CCSER1: variants seen among roughly 807,000 people sequenced by gnomAD.
The protein encoded by CCSER1 is serine-rich coiled-coil domain-containing protein 1.
A neutral mutation model predicts 82.0 loss-of-function variants in CCSER1; 41 were observed. The observed-to-expected ratio is 0.50, with a 90% CI of 0.39 to 0.65. The LOEUF (loss-of-function observed/expected upper bound fraction) is 0.65, where lower values mean the gene tolerates loss of function less well. CCSER1 is among the 30% of genes least tolerant of loss of function. The pLI, the probability that CCSER1 is intolerant of heterozygous loss-of-function variation, is 0.00. For missense variants in CCSER1, 1,119 were observed against 1,064.2 expected (o/e 1.05, Z -0.72); for synonymous variants, 414 against 383.9 (o/e 1.08, Z -0.92).
At chr4:90,872,692 A>G (rs907477427) in intron 8 of CCSER1, among the ~76,000 whole-genome samples, 1 of 151,890 alleles carries the variant, frequency 6.6e-6, no homozygotes, top group Non-Finnish European at 1.5e-5. Context: ...TTGTCTGTCA[A>G]CTTACTATTA....
chr4:90,740,723 T>C (rs531201893), intron 7 of CCSER1, among the ~76,000 whole-genome samples: 1 of 152,182 alleles, frequency 6.6e-6, no homozygotes, highest in African/African-American at 2.4e-5. Flanking sequence ...TAAATTTCAA[T>C]TAGTTTTTCA....
At chr4:90,994,802 A>G (rs1373625827) in intron 9 of CCSER1, among the ~76,000 whole-genome samples, 1 of 152,078 alleles carries the variant, frequency 6.6e-6, no homozygotes, top group Non-Finnish European at 1.5e-5. Flanking sequence ...GGAAAAGCCT[A>G]TTTCTTTGCT....
chr4:90,302,071 A>AG (rs1733246417), intron 1 of CCSER1, among the ~76,000 whole-genome samples: 1 of 152,204 alleles, frequency 6.6e-6, no homozygotes, highest in Non-Finnish European at 1.5e-5. Context: ...CAGGATTATA[A>AG]GATTTATTCA....
intron 5 of CCSER1, among the ~76,000 whole-genome samples, chr4:90,482,933 C>A (rs1214356240): frequency 6.6e-6 from 1 of 152,090 alleles, no homozygotes; most frequent in Non-Finnish European, 1.5e-5. Context: ...TCCTTGTTAA[C>A]TTTCTGTTTC....
chr4:90,149,858 C>A (rs535679660), intron 1 of CCSER1, among the ~76,000 whole-genome samples: 4 of 152,164 alleles, frequency 2.6e-5, no homozygotes, highest in South Asian at 2.1e-4. Flanking sequence ...GTTAAGTCTG[C>A]ATTGTATGTA....
At chr4:90,625,604 T>A (rs976848281) in intron 5 of CCSER1, among the ~76,000 whole-genome samples, 1 of 152,230 alleles carries the variant, frequency 6.6e-6, no homozygotes, top group Non-Finnish European at 1.5e-5. Context: ...AATATTAGTT[T>A]TTTTTGGTAT....
intron 8 of CCSER1, among the ~76,000 whole-genome samples, chr4:90,837,272 A>T: frequency 6.6e-6 from 1 of 152,166 alleles, no homozygotes; most frequent in African/African-American, 2.4e-5. Context: ...GTTAACAAAA[A>T]ACAAAATATA....
intron 8 of CCSER1, among the ~76,000 whole-genome samples, chr4:90,840,741 A>C: frequency 6.6e-6 from 1 of 152,040 alleles, no homozygotes; most frequent in East Asian, 1.9e-4. Context: ...GAAAGCTGTA[A>C]AGCTCCTTAC....
intron 8 of CCSER1, 73 bp from the exon 9 acceptor site, chr4:90,923,297 A>G (rs926684735): frequency 5.8e-6 from 6 of 1,030,712 alleles, no homozygotes; most frequent in South Asian, 2.7e-5. Context: ...TCAAATTTTA[A>G]TAAGTGGAGA....
intron 10 of CCSER1, among the ~76,000 whole-genome samples, chr4:91,538,698 C>CATATATTATATATATATATATATAT: frequency 1.4e-3 from 191 of 138,322 alleles, no homozygotes; most frequent in Non-Finnish European, 1.9e-3. Flanking sequence ...TATATATACA[C>CATATATTATATATATATATATATAT]ATATATATAT....
intron 1 of CCSER1, among the ~76,000 whole-genome samples, chr4:90,145,875 T>C (rs2153345212): frequency 6.6e-6 from 1 of 152,230 alleles, no homozygotes; most frequent in South Asian, 2.1e-4. Context: ...ATAATGCTGA[T>C]CTATGCACTC....
At chr4:91,330,827 T>C (rs748700623) in intron 10 of CCSER1, among the ~76,000 whole-genome samples, 10 of 152,284 alleles carry the variant, frequency 6.6e-5, no homozygotes, top group Non-Finnish European at 1.0e-4. Flanking sequence ...AAGTTATCTG[T>C]GGTCAGTTGC....
chr4:91,216,456 A>G (rs892761817), intron 10 of CCSER1, among the ~76,000 whole-genome samples: 8 of 152,020 alleles, frequency 5.3e-5, no homozygotes, highest in Non-Finnish European at 8.8e-5. Context: ...AATAGCTGGG[A>G]CTACAGGTGC....
At chr4:91,407,032 A>G (rs1578383114) in intron 10 of CCSER1, among the ~76,000 whole-genome samples, 1 of 152,180 alleles carries the variant, frequency 6.6e-6, no homozygotes, top group South Asian at 2.1e-4. Context: ...TAAAACTTCA[A>G]TGAATTATTC....
chr4:91,232,122 TA>T (rs1471394250), intron 10 of CCSER1, among the ~76,000 whole-genome samples: 1 of 151,832 alleles, frequency 6.6e-6, no homozygotes, highest in East Asian at 1.9e-4. Context: ...GAACACACTA[TA>T]AAAGCTTAAA....
At chr4:91,217,596 G>T (rs920836750) in intron 10 of CCSER1, among the ~76,000 whole-genome samples, 2 of 148,928 alleles carry the variant, frequency 1.3e-5, no homozygotes, top group South Asian at 4.4e-4. Context: ...GTTCTCCAAG[G>T]CCCCACCAGA....
chr4:90,330,940 A>C (rs573944653), intron 3 of CCSER1, among the ~76,000 whole-genome samples: 4 of 152,240 alleles, frequency 2.6e-5, no homozygotes, highest in South Asian at 4.1e-4. Context: ...TTATAAATAG[A>C]CTATTAAGTA....
At chr4:91,329,438 TATTATC>T (rs1431447167) in intron 10 of CCSER1, among the ~76,000 whole-genome samples, 1 of 152,214 alleles carries the variant, frequency 6.6e-6, no homozygotes, top group Admixed American at 6.5e-5. Context: ...GCTGTTAAAA[TATTATC>T]ATTAAGTATG....
At chr4:90,874,573 A>G (rs1335266571) in intron 8 of CCSER1, among the ~76,000 whole-genome samples, 2 of 152,180 alleles carry the variant, frequency 1.3e-5, no homozygotes, top group African/African-American at 4.8e-5. Context: ...AAAGTAACGT[A>G]ACATTCCTAA....
Sources: gnomAD v4.1 joint callset for allele counts (sites outside exome capture counted in the v4.1 genomes callset) on GRCh38, gnomAD v4.1.1 for gene constraint, MANE v1.5 for transcripts, NCBI Gene and HGNC (gene_info 2026-07-23, HGNC 2026-07-21) for gene names.